MAST4: variants seen among roughly 807,000 people sequenced by gnomAD.
The protein encoded by MAST4 is microtubule associated serine/threonine kinase family member 4, also known as microtubule-associated serine/threonine-protein kinase 4.
In MAST4, 89 loss-of-function variants were observed where a neutral mutation model predicts 162.7. The ratio of observed to expected loss-of-function variants is 0.55; its 90% CI spans 0.46 to 0.65. The LOEUF (loss-of-function observed/expected upper bound fraction) is 0.65, where lower values mean the gene tolerates loss of function less well. Ranked by LOEUF, MAST4 falls within the 30% of genes least tolerant of loss-of-function variation. The probability of loss-of-function intolerance (pLI) is 0.00; values close to 1 mark genes in which losing one functional copy is unlikely to be tolerated. For missense variants in MAST4, 3,153 were observed against 3,374.0 expected (o/e 0.93, Z 1.62); for synonymous variants, 1,479 against 1,361.1 (o/e 1.09, Z -1.91).
intron 1 of MAST4, among the ~76,000 whole-genome samples, chr5:66,665,605 T>C (rs1227764646): frequency 2.0e-5 from 3 of 152,154 alleles, no homozygotes; most frequent in Non-Finnish European, 4.4e-5. Context: ...ACTTCTTCAG[T>C]ATGGAGGCAC....
At chr5:66,835,814 T>G (rs1057057901) in intron 3 of MAST4, among the ~76,000 whole-genome samples, 1 of 152,188 alleles carries the variant, frequency 6.6e-6, no homozygotes, top group East Asian at 1.9e-4. Flanking sequence ...TTTACAGATG[T>G]GGACATGGAG....
intron 1 of MAST4, among the ~76,000 whole-genome samples, chr5:66,675,495 T>TC (rs1246364086): frequency 1.3e-5 from 2 of 152,110 alleles, no homozygotes; most frequent in Non-Finnish European, 2.9e-5. Context: ...TTTCCTGAAC[T>TC]CCCCCACAAG....
chr5:66,854,075 A>T (rs1759501394), intron 3 of MAST4, among the ~76,000 whole-genome samples: 2 of 152,150 alleles, frequency 1.3e-5, no homozygotes, highest in Non-Finnish European at 2.9e-5. Flanking sequence ...TTTATAAAAG[A>T]TGGTGTCTCC....
In MAST4 at chr5:66,901,268, T is replaced by A. The variant is rs567926973; in HGVS notation, c.674+1286T>A. Among the ~76,000 whole-genome samples, 108 of 152,256 alleles carry A rather than the reference T, an allele frequency of 7.1e-4. 1 individual carries two copies. Among genetic ancestry groups the A allele is most frequent in the African/African-American group, 2.5e-3 (105 of 41,586 alleles). On this transcript the variant is annotated intron_variant, in intron 4 of 28. Coordinates refer to ENST00000403625, the MANE Select transcript of MAST4 (RefSeq NM_001164664.2). ...AAACTTCAGAACTTCAGTCAAATCT[T>A]GCTTTTAGCCTTTTTAATAGATTGC...
chr5:66,697,171 T>A (rs895962610), intron 1 of MAST4, among the ~76,000 whole-genome samples: 3 of 152,216 alleles, frequency 2.0e-5, no homozygotes, highest in Admixed American at 2.0e-4. Context: ...ATTTTAAGTC[T>A]TCAAGTGAAA....
At chr5:66,597,232 A>C (rs13161275) in intron 1 of MAST4, among the ~76,000 whole-genome samples, 150,523 of 152,302 alleles carry the variant, frequency 0.99, 74,398 homozygotes, top group East Asian at 1. Context: ...TGTGTGTCTC[A>C]GTGTGCTGCC....
intron 1 of MAST4, among the ~76,000 whole-genome samples, chr5:66,638,562 C>T (rs1241838474): frequency 6.6e-6 from 1 of 152,136 alleles, no homozygotes; most frequent in Non-Finnish European, 1.5e-5. Flanking sequence ...GCAGAAAATT[C>T]ATTTATGTTT....
rs575326522 is a variant in MAST4, at chr5:66,784,192, G to A, written c.518-4478G>A. Among the ~76,000 whole-genome samples, 21 of 146,628 alleles carry A rather than the reference G, an allele frequency of 1.4e-4. No homozygotes were observed. The East Asian group carries it at 5.2e-3, about 36-fold the overall frequency. ...CAGACCTCTGGGGTCCCTGACCTGG[G>A]CCATAGGAACTACCATCTTGAGGAG... On this transcript the variant is annotated intron_variant, in intron 2 of 28. Transcript: ENST00000403625.
rs1311082964 is a variant in MAST4, at chr5:66,735,010, AAGAG to A, written c.364-24696_364-24693del. 1.1e-4 allele frequency among the ~76,000 whole-genome samples: 16 copies of A among 152,214 alleles called. No individual in the cohort carries two copies. In the East Asian group the frequency reaches 2.7e-3, roughly 26 times the overall value. ...TGTCTTAGAAGACATTGCAGAAACT[AAGAG>A]AGGAGATTTCATTTTTATATTTTTT... is the stretch of plus-strand genomic sequence containing the variant. On this transcript the variant is annotated intron_variant, in intron 1 of 28. Transcript: ENST00000403625.
intron 12 of MAST4, among the ~76,000 whole-genome samples, chr5:67,116,208 G>GTTTA: frequency 8.0e-6 from 1 of 125,346 alleles, no homozygotes; most frequent in South Asian, 2.5e-4. Context: ...TTGTTTGTTT[G>GTTTA]TTTTGTTTTG....
At chr5:66,966,279 G>A (rs1457096882) in intron 4 of MAST4, among the ~76,000 whole-genome samples, 1 of 152,126 alleles carries the variant, frequency 6.6e-6, no homozygotes, top group Non-Finnish European at 1.5e-5. Flanking sequence ...ACCTTCTTTA[G>A]TCATTTTTAT....
chr5:66,862,203 C>T (rs1011033761), intron 3 of MAST4, among the ~76,000 whole-genome samples: 1 of 152,152 alleles, frequency 6.6e-6, no homozygotes, highest in Admixed American at 6.5e-5. Flanking sequence ...CAACTTAGAG[C>T]TATGTTGAAA....
intron 10 of MAST4, 49 bp downstream of exon 10, chr5:67,104,624 GAA>G: frequency 1.4e-6 from 2 of 1,446,802 alleles, no homozygotes; most frequent in Non-Finnish European, 1.9e-6. Context: ...GCTTTTCCCT[GAA>G]AAAAATTTTT....
At chr5:66,644,686 C>T (rs868649829) in intron 1 of MAST4, among the ~76,000 whole-genome samples, 4 of 151,602 alleles carry the variant, frequency 2.6e-5, no homozygotes, top group Middle Eastern at 3.5e-3. Context: ...GAAGAGATGA[C>T]CATGAGGGCA....
chr5:66,629,990 C>T (rs985495987), intron 1 of MAST4, among the ~76,000 whole-genome samples: 1 of 152,066 alleles, frequency 6.6e-6, no homozygotes, highest in South Asian at 2.1e-4. Context: ...GGTTTAATAC[C>T]AATTTTTAAC....
intron 4 of MAST4, among the ~76,000 whole-genome samples, chr5:66,989,198 G>A (rs1424630881): frequency 2.0e-5 from 3 of 152,160 alleles, no homozygotes; most frequent in Non-Finnish European, 4.4e-5. Flanking sequence ...CCTTCACGTT[G>A]TTAAATGGCC....
In MAST4 at chr5:66,596,900, C is replaced by A; in HGVS notation, c.245C>A (p.Ala82Asp). ...TLGARAPAAW[A>D]PASVLLERGV... ...GGCGCCCGGGCGCCCGCCGCGTGGGCTCCGGCAAGCGTGCTGCTGGAGCGC... is the reference window on the plus strand; with the variant it reads ...GGCGCCCGGGCGCCCGCCGCGTGGGATCCGGCAAGCGTGCTGCTGGAGCGC... Residue 82 changes from alanine to aspartate, a missense_variant, in exon 1 of 29, where the codon GCT becomes GAT. Ala to Asp is a moderately radical substitution (Grantham distance 126). Transcript: ENST00000403625. 7.8e-7 allele frequency: 1 copy of A among 1,284,240 alleles called. No individual in the cohort carries two copies. The highest frequency in any genetic ancestry group is 9.9e-7 in the Non-Finnish European group (1 of 1,013,792). 79.6% of individuals were successfully genotyped at this position (1,284,240 alleles called of 1,614,324 possible).
intron 3 of MAST4, among the ~76,000 whole-genome samples, chr5:66,875,777 T>C (rs752231717): frequency 3.3e-5 from 5 of 152,172 alleles, no homozygotes; most frequent in Non-Finnish European, 5.9e-5. Context: ...AAAATAATTT[T>C]AGAGACAGAG....
chr5:66,843,294 G>A (rs748832434), intron 3 of MAST4, among the ~76,000 whole-genome samples: 1 of 152,174 alleles, frequency 6.6e-6, no homozygotes, highest in Non-Finnish European at 1.5e-5. Context: ...CCATTCATTT[G>A]TATTTTTAAG....
Sources: gnomAD v4.1 joint callset for allele counts (sites outside exome capture counted in the v4.1 genomes callset) on GRCh38, gnomAD v4.1.1 for gene constraint, MANE v1.5 for transcripts, NCBI Gene and HGNC (gene_info 2026-07-23, HGNC 2026-07-21) for gene names.